The following ARHGEF10 variants were observed in gnomAD, a reference collection of about 807,000 sequenced individuals.
The protein encoded by ARHGEF10 is Rho guanine nucleotide exchange factor (GEF) 10.
ARHGEF10 carries 140 observed loss-of-function variants against 147.4 expected under a neutral mutation model. The observed-to-expected ratio is 0.95, with a 90% CI of 0.83 to 1.09. ARHGEF10 has a LOEUF of 1.09. Ranked by LOEUF, ARHGEF10 falls within the 50% of genes least tolerant of loss-of-function variation. ARHGEF10 has a pLI of 0.00. For missense variants in ARHGEF10, 2,222 were observed against 1,752.7 expected (o/e 1.27, Z -4.78); for synonymous variants, 902 against 695.8 (o/e 1.30, Z -4.67).
chr8:1,903,862 G>A (rs147252597), intron 16 of ARHGEF10: 55 of 258,852 alleles, frequency 2.1e-4, no homozygotes, highest in African/African-American at 1.2e-3. Flanking sequence ...GGGAGGCTGA[G>A]GTGGGAAGAT....
At chr8:1,848,703 A>T (rs1037083235) in intron 2 of ARHGEF10, among the ~76,000 whole-genome samples, 3 of 152,248 alleles carry the variant, frequency 2.0e-5, no homozygotes, top group Non-Finnish European at 1.5e-5. Context: ...AGTCACGAAA[A>T]AGAAAATACT....
rs191811778 is a variant in ARHGEF10, at chr8:1,921,099, C to G, written c.2144-1865C>G. On this transcript the variant is annotated intron_variant, in intron 18 of 28. Coordinates refer to ENST00000349830, the MANE Select transcript of ARHGEF10 (RefSeq NM_014629.4). ...CTATGCCTGGCCGCTCCCTTTGTTA[C>G]GAAACTTCATGATACTTCAAATGCA... Among the ~76,000 whole-genome samples the G allele has an allele frequency of 9.4e-4, 143 of 152,220 alleles. 1 individual carries two copies. The highest frequency in any genetic ancestry group is 3.3e-3 in the African/African-American group (138 of 41,530).
chr8:1,879,980 A>G (rs1808043318), intron 8 of ARHGEF10, 68 bp from the exon 9 acceptor site: 1 of 1,100,516 alleles, frequency 9.1e-7, no homozygotes, highest in African/African-American at 1.5e-5. Flanking sequence ...CATCCTCTCA[A>G]TGTAAAATTG....
At chr8:1,883,360 G>A (rs1242417966) in intron 10 of ARHGEF10, among the ~76,000 whole-genome samples, 1 of 152,086 alleles carries the variant, frequency 6.6e-6, no homozygotes, top group Non-Finnish European at 1.5e-5. Flanking sequence ...AGTTACGGGA[G>A]GGTGACTGAG....
rs1455050821 is a variant in ARHGEF10, at chr8:1,896,401, C to G, written c.1509C>G (p.Val503=). 1.2e-6 allele frequency: 2 copies of G among 1,614,048 alleles called. No homozygotes were observed. Among genetic ancestry groups the G allele is most frequent in the Non-Finnish European group, 1.7e-6 (2 of 1,180,018 alleles). Residue 503 remains valine, a synonymous_variant, in exon 14 of 29, where the codon GTC becomes GTG. Coordinates refer to ENST00000349830, the MANE Select transcript of ARHGEF10 (RefSeq NM_014629.4). The part of the protein sequence containing the change: ...YVNNFSTAVA[V]LKKTCATKPA... Reference sequence around the variant, plus strand: ...ACAATTTCAGCACAGCCGTGGCAGTCCTCAAGAAAACATGTGCCACAAAGC... The same window carrying G: ...ACAATTTCAGCACAGCCGTGGCAGTGCTCAAGAAAACATGTGCCACAAAGC...
At position 1,923,549 on chromosome 8, in the gene ARHGEF10, G is replaced by C. The variant is rs1812457484; in HGVS notation, c.2341G>C (p.Ala781Pro). 1 of 1,613,998 alleles carries C rather than the reference G, an allele frequency of 6.2e-7. No individual in the cohort carries two copies. Among genetic ancestry groups the C allele is most frequent in the South Asian group, 1.1e-5 (1 of 91,092 alleles). The change falls in exon 20 of 29, where the codon GCG (alanine) becomes CCG (proline). Residue 781 changes from alanine (A) to proline (P), a missense_variant. Transcript: ENST00000349830. ...ILKKEDEIRAADCCRIQLQLP... is the reference protein window; with the variant it reads ...ILKKEDEIRAPDCCRIQLQLP... The stretch of plus-strand genomic sequence containing the variant: ...GAAGAAAGAAGATGAAATCAGAGCT[G>C]CGGACTGCTGCAGAATTCAGTTACA...
chr8:1,880,243 G>A, intron 9 of ARHGEF10, 79 bp downstream of exon 9: 1 of 999,768 alleles, frequency 1.0e-6, no homozygotes, highest in Non-Finnish European at 1.6e-6. Flanking sequence ...GTCGGTCCTT[G>A]CTGTCTCAAC....
intron 1 of ARHGEF10, among the ~76,000 whole-genome samples, chr8:1,837,876 T>C (rs758320632): frequency 6.6e-6 from 1 of 152,190 alleles, no homozygotes; most frequent in Non-Finnish European, 1.5e-5. Context: ...ACGTTCCTCA[T>C]GGTGAGTCAA....
chr8:1,842,708 C>G (rs918079788), intron 1 of ARHGEF10, among the ~76,000 whole-genome samples: 66 of 152,256 alleles, frequency 4.3e-4, no homozygotes, highest in Admixed American at 1.9e-3. Context: ...GTTTTGTGGT[C>G]TTAACACGAG....
At chr8:1,866,091 G>A (rs1234687903) in intron 5 of ARHGEF10, among the ~76,000 whole-genome samples, 2 of 152,140 alleles carry the variant, frequency 1.3e-5, no homozygotes, top group Non-Finnish European at 2.9e-5. Context: ...GTTTATGCTG[G>A]GTGGCCTTGC....
intron 18 of ARHGEF10, among the ~76,000 whole-genome samples, chr8:1,919,249 G>GGAGCTGTTCTGTGGGTGAT (rs1293311769): frequency 6.7e-6 from 1 of 150,158 alleles, no homozygotes; most frequent in Non-Finnish European, 1.5e-5. Flanking sequence ...GTCGAGTGAT[G>GGAGCTGTTCTGTGGGTGAT]GAGCTGTTCT....
rs192297823 is a variant in ARHGEF10 at position 1,842,070 on chromosome 8, G to A, written c.-47-1283G>A. On this transcript the variant is annotated intron_variant, in intron 1 of 28. Coordinates refer to ENST00000349830, the MANE Select transcript of ARHGEF10 (RefSeq NM_014629.4). ...GGCCGCGGCGGGAACTGGGGCCGCG[G>A]CGGGAACTGGGGCCGCGAGGCGCCG... Among the ~76,000 whole-genome samples, 29 of 137,248 alleles carry A rather than the reference G, an allele frequency of 2.1e-4. 1 individual carries two copies. Among genetic ancestry groups the A allele is most frequent in the Admixed American group, 3.1e-4 (4 of 12,716 alleles). 90.0% of individuals were successfully genotyped at this position (137,248 alleles called of 152,430 possible). A position where few individuals can be genotyped will look rare whatever the true frequency, so the allele number is the denominator to read the frequency against.
At chr8:1,851,477 A>G (rs1193532380) in intron 2 of ARHGEF10, among the ~76,000 whole-genome samples, 1 of 144,392 alleles carries the variant, frequency 6.9e-6, no homozygotes, top group Non-Finnish European at 1.5e-5. Context: ...AGTTGCAACA[A>G]GTGTTCCACT....
At chr8:1,836,138 G>T (rs1270646086) in intron 1 of ARHGEF10, among the ~76,000 whole-genome samples, 1 of 151,026 alleles carries the variant, frequency 6.6e-6, no homozygotes, top group Non-Finnish European at 1.5e-5. Context: ...CCGAGATTGT[G>T]CTACTGCATT....
rs936061454 is a variant in ARHGEF10, at chr8:1,937,416, C to G, written c.3222+3474C>G. On this transcript the variant is annotated intron_variant, in intron 26 of 28. Transcript: ENST00000349830. The surrounding 1 kb of genome is among the most constrained non-coding windows in gnomAD (Gnocchi z 4.9). ...CGGTGATCTTGGATCAGCCGCCTACCTGGGTCTCAATTGTCTGAGCTGACA... is the reference window on the plus strand; with the variant it reads ...CGGTGATCTTGGATCAGCCGCCTACGTGGGTCTCAATTGTCTGAGCTGACA... Among the ~76,000 whole-genome samples the G allele has an allele frequency of 6.6e-6, 1 of 152,188 alleles. No individual in the cohort carries two copies. Among genetic ancestry groups the G allele is most frequent in the Non-Finnish European group, 1.5e-5 (1 of 68,024 alleles).
At chr8:1,831,592 G>A (rs1803114434) in intron 1 of ARHGEF10, among the ~76,000 whole-genome samples, 2 of 143,146 alleles carry the variant, frequency 1.4e-5, no homozygotes, top group South Asian at 2.3e-4. Context: ...TGTGACGGCC[G>A]TGGAGGGACA....
intron 27 of ARHGEF10, among the ~76,000 whole-genome samples, chr8:1,946,840 C>G (rs558252774): frequency 2.0e-5 from 3 of 152,282 alleles, no homozygotes; most frequent in African/African-American, 7.2e-5. Context: ...CTCCGTGTCC[C>G]CGCCGCACTC....
intron 1 of ARHGEF10, among the ~76,000 whole-genome samples, chr8:1,842,934 A>G (rs1240731499): frequency 6.6e-6 from 1 of 152,186 alleles, no homozygotes; most frequent in Non-Finnish European, 1.5e-5. Flanking sequence ...TCTGGAAGAA[A>G]AAGGAGTGGA....
At chr8:1,880,208 C>T in intron 9 of ARHGEF10, 44 bp downstream of exon 9, 2 of 1,452,334 alleles carry the variant, frequency 1.4e-6, no homozygotes, top group Non-Finnish European at 9.7e-7. Flanking sequence ...GCCAGCCGGG[C>T]AGTAAAGAAA....
Sources: allele counts gnomAD v4.1 joint callset (sites outside exome capture counted in the v4.1 genomes callset), GRCh38; gene constraint gnomAD v4.1.1; non-coding constraint Gnocchi (gnomAD v3.1); transcripts MANE v1.5; gene names NCBI Gene and HGNC (gene_info 2026-07-23, HGNC 2026-07-21).